The following ACCSL variants were observed in gnomAD, a reference collection of about 807,000 sequenced individuals.
ACCSL encodes 1-aminocyclopropane-1-carboxylate synthase homolog (inactive) like.
ACCSL carries 55 observed loss-of-function variants against 61.7 expected under a neutral mutation model. The observed-to-expected ratio is 0.89, with a 90% CI of 0.72 to 1.12. The LOEUF (loss-of-function observed/expected upper bound fraction) is 1.12, where lower values mean the gene tolerates loss of function less well. ACCSL is among the 50% of genes most tolerant of loss of function. The pLI is 0.00. For synonymous variants in ACCSL, 258 were observed against 264.3 expected, an observed-to-expected ratio of 0.98 and a Z score of 0.23; for missense variants, 632 against 698.0, an observed-to-expected ratio of 0.91 and a Z score of 1.07.
the ACCSL span, among the ~76,000 whole-genome samples, chr11:43,985,953 A>G: frequency 1.3e-5 from 2 of 150,744 alleles, no homozygotes; most frequent in African/African-American, 4.9e-5. Context: ...ACAGCGTGAG[A>G]CTCTGTCTCA....
chr11:43,942,171 C>CCGA, the ACCSL span: 1 of 153,760 alleles, frequency 6.5e-6, no homozygotes, highest in Non-Finnish European at 1.5e-5. Flanking sequence ...CGCTCAGGCT[C>CCGA]GCCAGGCTGC....
the ACCSL span, among the ~76,000 whole-genome samples, chr11:44,028,081 G>C: frequency 6.6e-6 from 1 of 152,070 alleles, no homozygotes; most frequent in Non-Finnish European, 1.5e-5. Context: ...AGGGAAGATT[G>C]CCTGAGCCTA....
At chr11:43,960,267 T>C in the ACCSL span, among the ~76,000 whole-genome samples, 1 of 152,242 alleles carries the variant, frequency 6.6e-6, no homozygotes, top group African/African-American at 2.4e-5. Context: ...CCATAGAAAG[T>C]GGCTGAGTCC....
chr11:44,043,703 T>G (rs533301665), upstream of ACCSL, among the ~76,000 whole-genome samples: 8 of 152,216 alleles, frequency 5.3e-5, no homozygotes, highest in Non-Finnish European at 8.8e-5. Context: ...TATTAGATTT[T>G]TTCATATTCT....
the ACCSL span, among the ~76,000 whole-genome samples, chr11:43,967,208 G>A: frequency 1.3e-4 from 11 of 87,780 alleles, no homozygotes; most frequent in East Asian, 4.4e-4. Context: ...ATGGAGTTTC[G>A]CTCTTGTCGC....
At chr11:43,950,660 G>C in the ACCSL span, among the ~76,000 whole-genome samples, 1 of 152,240 alleles carries the variant, frequency 6.6e-6, no homozygotes, top group Non-Finnish European at 1.5e-5. Flanking sequence ...ACAGGGATGT[G>C]CCTACAACCC....
chr11:44,006,097 T>A, the ACCSL span, among the ~76,000 whole-genome samples: 1 of 152,196 alleles, frequency 6.6e-6, no homozygotes, highest in African/African-American at 2.4e-5. Context: ...CTACTTCTCC[T>A]GGATCCCAGA....
chr11:44,032,779 G>A, the ACCSL span, among the ~76,000 whole-genome samples: 1 of 152,124 alleles, frequency 6.6e-6, no homozygotes, highest in Non-Finnish European at 1.5e-5. Flanking sequence ...GGTCAGAATG[G>A]GCCTTTCAGA....
At chr11:43,957,356 C>CTGAT in the ACCSL span, among the ~76,000 whole-genome samples, 20,444 of 151,912 alleles carry the variant, frequency 0.13, 1,403 homozygotes, top group South Asian at 0.16. Context: ...CAAAGATTTC[C>CTGAT]TGATTGGTAA....
intron 13 of ACCSL, 77 bp from the exon 14 acceptor site, chr11:44,059,761 T>C: frequency 8.1e-7 from 1 of 1,227,988 alleles, no homozygotes; most frequent in Non-Finnish European, 1.2e-6. Flanking sequence ...TGGTTGACCA[T>C]GACCTGGGTA....
chr11:43,930,134 C>G, the ACCSL span, among the ~76,000 whole-genome samples: 3 of 152,152 alleles, frequency 2.0e-5, no homozygotes, highest in African/African-American at 7.2e-5. Context: ...GGCCCCCAGC[C>G]CCTGTGAAGC....
the ACCSL span, among the ~76,000 whole-genome samples, chr11:43,930,812 C>T: frequency 1.3e-5 from 2 of 152,178 alleles, no homozygotes; most frequent in Non-Finnish European, 2.9e-5. Context: ...AGTTTTCACA[C>T]ACACACACAC....
chr11:44,032,538 T>A, the ACCSL span, among the ~76,000 whole-genome samples: 1 of 152,146 alleles, frequency 6.6e-6, no homozygotes, highest in Non-Finnish European at 1.5e-5. Flanking sequence ...GGTGCCTCAA[T>A]GCGCCCAATA....
chr11:43,932,108 C>T, the ACCSL span, among the ~76,000 whole-genome samples: 1 of 152,134 alleles, frequency 6.6e-6, no homozygotes, highest in South Asian at 2.1e-4. Context: ...GACCCTAATT[C>T]TTGGAATCCA....
the ACCSL span, among the ~76,000 whole-genome samples, chr11:43,952,765 G>C: frequency 1.2e-4 from 19 of 152,270 alleles, no homozygotes; most frequent in Admixed American, 1.0e-3. Flanking sequence ...TCTTTAACTC[G>C]GTGTCTGAGG....
the ACCSL span, chr11:43,932,987 A>T: frequency 4.6e-6 from 2 of 436,496 alleles, no homozygotes; most frequent in Non-Finnish European, 9.2e-6. Context: ...GGCGCTTTGG[A>T]GGGCTGCGCT....
chr11:43,934,514 G>A, the ACCSL span, among the ~76,000 whole-genome samples: 6 of 152,184 alleles, frequency 3.9e-5, no homozygotes, highest in African/African-American at 1.4e-4. Flanking sequence ...ACAAGCGGTG[G>A]CTGGGCCAAA....
the ACCSL span, among the ~76,000 whole-genome samples, chr11:44,039,608 C>T: frequency 1.3e-5 from 2 of 152,164 alleles, no homozygotes; most frequent in Non-Finnish European, 2.9e-5. Flanking sequence ...CATTAAAGAA[C>T]TTACTCATGT....
chr11:43,986,400 G>A, the ACCSL span, among the ~76,000 whole-genome samples: 1 of 146,884 alleles, frequency 6.8e-6, no homozygotes, highest in African/African-American at 2.5e-5. Context: ...TCTCTGGCTT[G>A]GCACAGATCT....
Sources: gnomAD v4.1 joint callset for allele counts (sites outside exome capture counted in the v4.1 genomes callset) on GRCh38, gnomAD v4.1.1 for gene constraint, MANE v1.5 for transcripts, NCBI Gene and HGNC (gene_info 2026-07-23, HGNC 2026-07-21) for gene names.